Variants in BEX2 observed in about 807,000 individuals in gnomAD.
BEX2 encodes brain expressed X-linked 2.
In BEX2, 2 loss-of-function variants were observed where a neutral mutation model predicts 4.1. The observed-to-expected ratio is 0.49, with a 90% CI of 0.20 to 1.53. The LOEUF (loss-of-function observed/expected upper bound fraction) is 1.53. Among genes scored for constraint, BEX2 ranks in the 40% most tolerant of loss-of-function variants. The probability of loss-of-function intolerance (pLI) is 0.23; values close to 1 mark genes in which losing one functional copy is unlikely to be tolerated. For synonymous variants in BEX2, 34 were observed against 35.9 expected, an observed-to-expected ratio of 0.95 and a Z score of 0.19; for missense variants, 94 against 99.9, an observed-to-expected ratio of 0.94 and a Z score of 0.25.
chrX:103,310,814 G>C (rs1321990723), intron 1 of BEX2, 46 bp downstream of exon 1: 3 of 409,424 alleles, frequency 7.3e-6, no homozygotes, highest in Non-Finnish European at 1.2e-5. Flanking sequence ...GCAGGCCGGG[G>C]CTGCTCCCCC....
In BEX2 at chrX:103,309,458, C is replaced by T; in HGVS notation, c.*132G>A. On this transcript the variant is annotated 3_prime_UTR_variant, in exon 3 of 3. Transcript: ENST00000372677. ...TACAAACTGGGTCAAAAACAACATTCATTTAGAAGCTGGTAATAGGAGACC... is the reference window on the plus strand; with the variant it reads ...TACAAACTGGGTCAAAAACAACATTTATTTAGAAGCTGGTAATAGGAGACC... The T allele has an allele frequency of 1.0e-6, 1 of 997,444 alleles. No homozygotes were observed. Among genetic ancestry groups the T allele is most frequent in the Non-Finnish European group, 1.3e-6 (1 of 743,538 alleles). The allele number at this position is 997,444 out of a possible 1,213,427, so 82.2% of individuals were successfully genotyped here. A position where few individuals can be genotyped will look rare whatever the true frequency, so the allele number is the denominator to read the frequency against.
chrX:103,309,614 G>A lies in BEX2; in HGVS notation c.363C>T (p.His121=). 5.8e-6 allele frequency: 7 copies of A among 1,211,211 alleles called. No homozygotes were observed. The highest frequency in any genetic ancestry group is 2.3e-4 in the Middle Eastern group (1 of 4,349). The change falls in exon 3 of 3, where the codon CAC becomes CAT. Residue 121 remains histidine (H), a synonymous_variant. Transcript: ENST00000372677. ...TTCAGGGCATAAGGCAAAACTCATC[G>A]TGATGGTCATGGTGAGGGGGATCAG... ...VSTDPPHHDH[H]DEFCLMP
In BEX2 at chrX:103,309,521, G is replaced by T; in HGVS notation, c.*69C>A. ...GTAACATCAAAACGTTTACGACAAA[G>T]GTACACCACAAATGTGTAAGTTTAG... On this transcript the variant is annotated 3_prime_UTR_variant, in exon 3 of 3. Coordinates refer to ENST00000372677, the MANE Select transcript of BEX2 (RefSeq NM_032621.4). The T allele has an allele frequency of 8.6e-7, 1 of 1,165,808 alleles. No homozygotes were observed. Among genetic ancestry groups the T allele is most frequent in the Non-Finnish European group, 1.1e-6 (1 of 869,919 alleles).
Position 103,309,985 on chromosome X carries a change from G to C in BEX2, c.-5-4C>G, listed in dbSNP as rs1321839630. ...TCCTCTTTGGACTCCATTACTCCTA[G>C]GAGACAGAGAGAAAATGGACTCAAT... is the stretch of plus-strand genomic sequence containing the variant. On this transcript the variant is annotated splice_polypyrimidine_tract_variant and splice_region_variant and intron_variant, in intron 2 of 2. Transcript: ENST00000372677. The C allele has an allele frequency of 8.4e-7, 1 of 1,191,689 alleles. No homozygotes were observed.
intron 1 of BEX2, 29 bp downstream of exon 1, chrX:103,310,831 A>C: frequency 2.7e-5 from 9 of 329,252 alleles, no homozygotes; most frequent in Non-Finnish European, 3.6e-5. Context: ...CCCCACACCA[A>C]CCCCAGGGAC....
intron 1 of BEX2, 154 bp downstream of exon 1, chrX:103,310,706 C>T: frequency 1.0e-6 from 1 of 961,875 alleles, no homozygotes; most frequent in Non-Finnish European, 1.4e-6. Flanking sequence ...GCCGGGCACC[C>T]CTCCGCTCAC....
chrX:103,310,476 G>C, intron 1 of BEX2, 43 bp from the exon 2 acceptor site: 2 of 1,151,123 alleles, frequency 1.7e-6, no homozygotes, highest in Non-Finnish European at 2.3e-6. Context: ...TGCTGCAGCG[G>C]AACGCTAGAG....
At position 103,309,485 on chromosome X, in the gene BEX2, A is replaced by G. The variant is rs1243808941; in HGVS notation, c.*105T>C. ...TTTAGAAGCTGGTAATAGGAGACCC[A>G]CAAGAAATAGGTAACATCAAAACGT... On this transcript the variant is annotated 3_prime_UTR_variant, in exon 3 of 3. Coordinates refer to ENST00000372677, the MANE Select transcript of BEX2 (RefSeq NM_032621.4). 4.6e-5 allele frequency: 51 copies of G among 1,104,019 alleles called. 1 individual carries two copies. The East Asian group carries it at 1.5e-3, about 34-fold the overall frequency. 91.0% of individuals were successfully genotyped at this position (1,104,019 alleles called of 1,213,427 possible). A position where few individuals can be genotyped will look rare whatever the true frequency, so the allele number is the denominator to read the frequency against.
rs757959751 is a variant in BEX2, at chrX:103,310,424, C to T, written c.-72G>A. The T allele has an allele frequency of 4.7e-5, 54 of 1,155,737 alleles. No individual in the cohort carries two copies. In the African/African-American group the frequency reaches 7.1e-4, roughly 15 times the overall value. On this transcript the variant is annotated 5_prime_UTR_variant, in exon 2 of 3. Transcript: ENST00000372677. ...TGAGGTGCGTCGCCGCAACACTTGG[C>T]CCCGCAAACCTGCAGACGGCCGGGG...
rs1339486216 is a variant in BEX2, at chrX:103,310,327, C to A, written c.-6+31G>T. 14 of 1,141,131 alleles carry A rather than the reference C, an allele frequency of 1.2e-5. No homozygotes were observed. The African/African-American group carries it at 1.6e-4, about 13-fold the overall frequency. 94.0% of individuals were successfully genotyped at this position (1,141,131 alleles called of 1,213,427 possible). ...AGACTGGGCTTTCCTCATGTTCTGA[C>A]CCCCTCCCCACCACCGTCCCTCGCA... On this transcript the variant is annotated intron_variant, in intron 2 of 2. Transcript: ENST00000372677.
chrX:103,310,220 G>A (rs1393628300), intron 2 of BEX2, 138 bp downstream of exon 2: 1 of 778,478 alleles, frequency 1.3e-6, no homozygotes, highest in East Asian at 3.5e-5. Flanking sequence ...CCAGGCCTCT[G>A]CAGGCACCAA....
At chrX:103,310,112 TC>T in intron 2 of BEX2, 131 bp from the exon 3 acceptor site, 1 of 877,219 alleles carries the variant, frequency 1.1e-6, no homozygotes, top group Non-Finnish European at 1.6e-6. Context: ...TCATTTTTTT[TC>T]CACCAGAGAG....
Position 103,309,724 on chromosome X carries a change from T to C in BEX2, c.253A>G (p.Met85Val), listed in dbSNP as rs142453234. The change falls in exon 3 of 3, where the codon ATG becomes GTG. Residue 85 changes from methionine (M) to valine (V), a missense_variant. Physicochemically the swap from Met to Val is conservative, Grantham distance 21. Transcript: ENST00000372677. ...EPQARMREENMERIGEEVRQL... is the reference protein window; with the variant it reads ...EPQARMREENVERIGEEVRQL... ...CTCACCTCCTCCCCAATCCTTTCCA[T>C]ATTCTCCTCTCTCATCCTTGCCTGT... 5.4e-5 allele frequency: 65 copies of C among 1,209,261 alleles called. No homozygotes were observed. The highest frequency in any genetic ancestry group is 6.9e-5 in the Non-Finnish European group (62 of 895,073).
At chrX:103,310,013 T>C (rs770804153) in intron 2 of BEX2, 32 bp from the exon 3 acceptor site, 2 of 1,174,025 alleles carry the variant, frequency 1.7e-6, no homozygotes, top group South Asian at 4.0e-5. Flanking sequence ...GACTCAATTC[T>C]TGGTGAACTG....
At position 103,309,961 on chromosome X, in the gene BEX2, C is replaced by T. The variant is rs754599325; in HGVS notation, c.16G>A (p.Glu6Lys). 1.4e-5 allele frequency: 17 copies of T among 1,202,681 alleles called. No individual in the cohort carries two copies. The Admixed American group carries it at 3.7e-4, about 26-fold the overall frequency. Residue 6 changes from glutamate (E) to lysine (K), a missense_variant, in exon 3 of 3, where the codon GAA (glutamate) becomes AAA (lysine). Coordinates refer to ENST00000372677, the MANE Select transcript of BEX2 (RefSeq NM_032621.4). MESKE[E>K]RALNNLIVEN... ...ACGATGAGATTGTTTAACGCTCGTT[C>T]CTCTTTGGACTCCATTACTCCTAGG...
rs902270284 is a variant in BEX2 at position 103,309,630 on chromosome X, G to A, written c.347C>T (p.Pro116Leu). The change falls in exon 3 of 3, where the codon CCT becomes CTT. Residue 116 changes from proline (P) to leucine (L), a missense_variant. Transcript: ENST00000372677. ...AAACTCATCGTGATGGTCATGGTGA[G>A]GGGGATCAGTGCTGACTGCCCGCAA... Reference protein sequence around the residue: ...HSLRAVSTDPPHHDHHDEFCL... With the variant: ...HSLRAVSTDPLHHDHHDEFCL... 9.1e-6 allele frequency: 11 copies of A among 1,208,621 alleles called. No individual in the cohort carries two copies. The highest frequency in any genetic ancestry group is 1.8e-5 in the South Asian group (1 of 56,675).
At position 103,309,919 on chromosome X, in the gene BEX2, C is replaced by T. The variant is rs1926138087; in HGVS notation, c.58G>A (p.Glu20Lys). 5 of 1,211,101 alleles carry T rather than the reference C, an allele frequency of 4.1e-6. No individual in the cohort carries two copies. The East Asian group carries it at 8.9e-5, about 21-fold the overall frequency. The change falls in exon 3 of 3, where the codon GAA (glutamate) becomes AAA (lysine). Residue 20 changes from glutamate to lysine, a missense_variant. Transcript: ENST00000372677. Reference protein sequence around the residue: ...NNLIVENVNQENDEKDEKEQV... With the variant: ...NNLIVENVNQKNDEKDEKEQV... ...TCCTTTTCATCTTTTTCATCATTTT[C>T]CTGGTTGACATTTTCCACGATGAGA... is the stretch of plus-strand genomic sequence containing the variant.
intron 1 of BEX2, 107 bp from the exon 2 acceptor site, chrX:103,310,540 C>T (rs1316738962): frequency 4.3e-6 from 5 of 1,150,995 alleles, no homozygotes; most frequent in Non-Finnish European, 1.2e-6. Context: ...CCCTCCTAGC[C>T]GCTCTCGCCC....
intron 1 of BEX2, 161 bp from the exon 2 acceptor site, chrX:103,310,594 G>A: frequency 8.7e-7 from 1 of 1,155,718 alleles, no homozygotes; most frequent in Non-Finnish European, 1.1e-6. Flanking sequence ...ACCATTTTCT[G>A]CATCAAGAAG....
Sources: allele counts gnomAD v4.1 joint callset, GRCh38; gene constraint gnomAD v4.1.1; transcripts MANE v1.5; gene names NCBI Gene and HGNC (gene_info 2026-07-23, HGNC 2026-07-21).